Variants in TP63 observed in about 807,000 individuals in gnomAD.
TP63 encodes the protein tumor protein 63.
In TP63, 17 loss-of-function variants were observed where a neutral mutation model predicts 82.8. The observed-to-expected ratio is 0.21, with a 90% confidence interval of 0.14 to 0.31. The LOEUF (loss-of-function observed/expected upper bound fraction) is 0.31. Among genes scored for constraint, TP63 ranks in the 10% least tolerant of loss-of-function variants. The pLI, the probability that TP63 is intolerant of heterozygous loss-of-function variation, is 1.00. For synonymous variants in TP63, 330 were observed against 321.7 expected (o/e 1.03, Z -0.28); for missense variants, 648 against 895.3 (o/e 0.72, Z 3.52).
intron 3 of TP63, among the ~76,000 whole-genome samples, chr3:189,744,591 TACAC>T (rs1243860356): frequency 6.6e-6 from 1 of 152,134 alleles, no homozygotes; most frequent in Non-Finnish European, 1.5e-5. Context: ...GCCACCAACT[TACAC>T]ACATCACCTG....
chr3:189,869,953 TTCTC>T lies in TP63; in HGVS notation c.1212+550_1212+553del, dbSNP rs79201031. On this transcript the variant is annotated intron_variant, in intron 9 of 13. Transcript: ENST00000264731. The stretch of plus-strand genomic sequence containing the variant: ...TTTTTTAAAATTAGAATATTATTCT[TTCTC>T]TCCACAGTTTTGGACTGTATTACTA... Among the ~76,000 whole-genome samples the T allele has an allele frequency of 1.0e-3, 155 of 152,268 alleles. 1 individual carries two copies. In the East Asian group the frequency reaches 0.024, roughly 24 times the overall value.
chr3:189,863,258 C>T (rs1173330289), intron 4 of TP63, among the ~76,000 whole-genome samples: 2 of 152,142 alleles, frequency 1.3e-5, no homozygotes, highest in African/African-American at 4.8e-5. Flanking sequence ...GGTGGTTTGC[C>T]TGAGCAAAGT....
chr3:189,877,485 A>T (rs973990508), intron 10 of TP63, among the ~76,000 whole-genome samples: 1 of 152,200 alleles, frequency 6.6e-6, no homozygotes, highest in Admixed American at 6.5e-5. Context: ...ACTTTGTTAC[A>T]GTCTCGCTTA....
chr3:189,704,642 C>T (rs550527112), intron 1 of TP63, among the ~76,000 whole-genome samples: 1 of 152,338 alleles, frequency 6.6e-6, no homozygotes, highest in African/African-American at 2.4e-5. Context: ...TTATTCACAG[C>T]TTTATTTCCT....
chr3:189,889,664 C>G (rs1720818336), intron 12 of TP63, among the ~76,000 whole-genome samples, 180 bp downstream of exon 12: 1 of 152,238 alleles, frequency 6.6e-6, no homozygotes, highest in Non-Finnish European at 1.5e-5. Flanking sequence ...AGGAAAACTA[C>G]TATAACCAGC....
rs1409206210 is a variant in TP63, at chr3:189,866,675, T to C, written c.767-7T>C. 6.2e-7 allele frequency: 1 copy of C among 1,612,726 alleles called. No homozygotes were observed. On this transcript the variant is annotated splice_region_variant and splice_polypyrimidine_tract_variant and intron_variant, in intron 5 of 13. Transcript: ENST00000264731. ...AACTAACTCTTTTATTGTTTTCTGC[T>C]CTGCAGGACAGATTGCCCCTCCTAG...
the TP63 span, among the ~76,000 whole-genome samples, chr3:189,620,060 G>C: frequency 5.1e-4 from 77 of 152,186 alleles, no homozygotes; most frequent in Non-Finnish European, 8.4e-4. Flanking sequence ...GCGGAAGAAG[G>C]GGGGCACTTC....
intron 3 of TP63, among the ~76,000 whole-genome samples, chr3:189,804,949 T>G (rs1325699438): frequency 6.6e-6 from 1 of 152,264 alleles, no homozygotes; most frequent in East Asian, 1.9e-4. Flanking sequence ...GAAATATACC[T>G]TTATGTTATA....
chr3:189,694,518 C>T (rs1050142202), intron 1 of TP63, among the ~76,000 whole-genome samples: 4 of 152,076 alleles, frequency 2.6e-5, no homozygotes, highest in East Asian at 3.9e-4. Flanking sequence ...GCATGCTGTT[C>T]AGAAATTTAA....
chr3:189,738,995 G>C (rs138484659), intron 3 of TP63: 2 of 616,480 alleles, frequency 3.2e-6, no homozygotes, highest in African/African-American at 3.7e-5. Context: ...CGTGTGGGGA[G>C]GGAGATTCTT....
intron 4 of TP63, among the ~76,000 whole-genome samples, chr3:189,856,276 G>A (rs903389662): frequency 6.6e-6 from 1 of 151,282 alleles, no homozygotes; most frequent in Non-Finnish European, 1.5e-5. Flanking sequence ...AGGAATGTGA[G>A]TAAGTGTTGT....
rs758920087 is a variant in TP63, at chr3:189,894,303, A to G, written c.1844A>G (p.His615Arg). 1.9e-6 allele frequency: 3 copies of G among 1,613,122 alleles called. No individual in the cohort carries two copies. Among genetic ancestry groups the G allele is most frequent in the Non-Finnish European group, 1.7e-6 (2 of 1,179,796 alleles). The change falls in exon 14 of 14, where the codon CAT becomes CGT. Residue 615 changes from histidine (H) to arginine (R), a missense_variant. Transcript: ENST00000264731. ...RQLHEFSSPS[H>R]LLRTPSSAST... Reference sequence around the variant, plus strand: ...CTCCACGAATTCTCCTCCCCTTCTCATCTCCTGCGGACCCCAAGCAGTGCC... The same window carrying G: ...CTCCACGAATTCTCCTCCCCTTCTCGTCTCCTGCGGACCCCAAGCAGTGCC...
At chr3:189,766,100 C>T (rs1722942635) in intron 3 of TP63, among the ~76,000 whole-genome samples, 1 of 152,090 alleles carries the variant, frequency 6.6e-6, no homozygotes, top group Non-Finnish European at 1.5e-5. Context: ...ACTTGGGAGG[C>T]TGAGTGGGGA....
At chr3:189,625,392 A>G in the TP63 span, among the ~76,000 whole-genome samples, 1 of 152,160 alleles carries the variant, frequency 6.6e-6, no homozygotes, top group Non-Finnish European at 1.5e-5. Flanking sequence ...TGTGCTTTAC[A>G]AAAATATCTG....
At chr3:189,637,770 C>T (rs1174073337) in intron 1 of TP63, among the ~76,000 whole-genome samples, 1 of 152,052 alleles carries the variant, frequency 6.6e-6, no homozygotes, top group Non-Finnish European at 1.5e-5. Flanking sequence ...ATCCTCAGAA[C>T]CTGTGAATAT....
intron 3 of TP63, among the ~76,000 whole-genome samples, chr3:189,753,714 T>A (rs970076877): frequency 6.6e-6 from 1 of 152,090 alleles, no homozygotes; most frequent in Non-Finnish European, 1.5e-5. Flanking sequence ...TAGTTTTCTA[T>A]TGGTTCCCTC....
At chr3:189,784,608 T>G (rs765299180) in intron 3 of TP63, among the ~76,000 whole-genome samples, 61 of 152,236 alleles carry the variant, frequency 4.0e-4, no homozygotes, top group Middle Eastern at 3.4e-3. Context: ...CTGTCTACCA[T>G]TTTATCTTTT....
At chr3:189,834,698 A>G (rs1368580469) in intron 4 of TP63, among the ~76,000 whole-genome samples, 1 of 152,156 alleles carries the variant, frequency 6.6e-6, no homozygotes, top group Non-Finnish European at 1.5e-5. Context: ...ACCATAAACC[A>G]AGTGGTGTGA....
At chr3:189,650,509 A>G (rs139711100) in intron 1 of TP63, among the ~76,000 whole-genome samples, 2,227 of 146,072 alleles carry the variant, frequency 0.015, 288 homozygotes, top group African/African-American at 0.055. Flanking sequence ...TTCTCATGAT[A>G]GTGAGTTCTT....
Sources: gnomAD v4.1 joint callset for allele counts (sites outside exome capture counted in the v4.1 genomes callset) on GRCh38, gnomAD v4.1.1 for gene constraint, MANE v1.5 for transcripts, NCBI Gene and HGNC (gene_info 2026-07-23, HGNC 2026-07-21) for gene names.